Variants in SGCZ observed in about 807,000 individuals in gnomAD.
SGCZ encodes the protein sarcoglycan zeta, also known as zeta-sarcoglycan.
Under a neutral mutation model 41.3 loss-of-function variants are expected in SGCZ, and 40 were observed. That is an observed-to-expected ratio of 0.97 (90% CI 0.75 to 1.26). The LOEUF (loss-of-function observed/expected upper bound fraction) is 1.26, where lower values mean the gene tolerates loss of function less well. Among genes scored for constraint, SGCZ ranks in the 50% most tolerant of loss-of-function variants. SGCZ has a pLI of 0.00. For synonymous variants in SGCZ, 206 were observed against 137.5 expected, an observed-to-expected ratio of 1.50 and a Z score of -3.49; for missense variants, 552 against 369.8, an observed-to-expected ratio of 1.49 and a Z score of -4.04.
intron 1 of SGCZ, among the ~76,000 whole-genome samples, chr8:15,198,682 A>T (rs907175561): frequency 1.3e-5 from 2 of 152,242 alleles, no homozygotes; most frequent in Admixed American, 1.3e-4. Flanking sequence ...CAACAGCTAC[A>T]TTAATGGCTG....
intron 1 of SGCZ, among the ~76,000 whole-genome samples, chr8:14,767,196 A>G (rs924424696): frequency 1.3e-5 from 2 of 152,154 alleles, no homozygotes; most frequent in South Asian, 2.1e-4. Context: ...CACAAGGTCT[A>G]TCTCCTAGGC....
At chr8:14,626,719 C>T (rs1806467922) in intron 1 of SGCZ, among the ~76,000 whole-genome samples, 1 of 152,108 alleles carries the variant, frequency 6.6e-6, no homozygotes, top group African/African-American at 2.4e-5. Flanking sequence ...AGAAAAATTG[C>T]TAGCAAATTC....
intron 4 of SGCZ, among the ~76,000 whole-genome samples, chr8:14,205,961 A>G (rs1017916322): frequency 3.9e-5 from 6 of 152,170 alleles, no homozygotes; most frequent in African/African-American, 1.2e-4. Context: ...ATATAGGCTA[A>G]GAAAGTTGAC....
intron 1 of SGCZ, among the ~76,000 whole-genome samples, chr8:15,159,551 G>A (rs1356890972): frequency 2.0e-5 from 3 of 152,138 alleles, no homozygotes; most frequent in African/African-American, 7.2e-5. Flanking sequence ...AGTTGAATTG[G>A]AGGATATGCA....
intron 5 of SGCZ, among the ~76,000 whole-genome samples, chr8:14,125,555 C>T (rs903384707): frequency 1.3e-5 from 2 of 150,786 alleles, no homozygotes; most frequent in Non-Finnish European, 3.0e-5. Flanking sequence ...CCACACTGCC[C>T]AAAGTAATTT....
chr8:14,523,327 G>C (rs947170028), intron 2 of SGCZ, among the ~76,000 whole-genome samples: 8 of 151,660 alleles, frequency 5.3e-5, no homozygotes, highest in Admixed American at 1.3e-4. Context: ...ACTACCTTTA[G>C]CCACTCCTTT....
chr8:14,340,905 C>T (rs1170929609), intron 2 of SGCZ, among the ~76,000 whole-genome samples: 1 of 152,028 alleles, frequency 6.6e-6, no homozygotes, highest in African/African-American at 2.4e-5. Context: ...TTATTAACCC[C>T]AGCTAAGACA....
At chr8:14,374,212 T>C (rs1804021058) in intron 2 of SGCZ, among the ~76,000 whole-genome samples, 1 of 152,030 alleles carries the variant, frequency 6.6e-6, no homozygotes, top group Non-Finnish European at 1.5e-5. Flanking sequence ...ACACTGTCTC[T>C]ACACAAGTAT....
At chr8:15,223,419 C>T (rs1801667555) in intron 1 of SGCZ, among the ~76,000 whole-genome samples, 2 of 152,170 alleles carry the variant, frequency 1.3e-5, no homozygotes, top group Admixed American at 6.5e-5. Context: ...CCTTGTGTGA[C>T]TACCACATGG....
rs187071395 is a variant in SGCZ at position 14,092,848 on chromosome 8, A to G, written c.745-2211T>C. On this transcript the variant is annotated intron_variant, in intron 7 of 7. Transcript: ENST00000382080. ...CGGCAATGTAAAAATGAACCAATAC[A>G]GTAGCTAATCAGCACAGTGAACAAT... Among the ~76,000 whole-genome samples, 12 of 152,188 alleles carry G rather than the reference A, an allele frequency of 7.9e-5. No homozygotes were observed. In the East Asian group the frequency reaches 1.6e-3, roughly 20 times the overall value.
intron 3 of SGCZ, among the ~76,000 whole-genome samples, chr8:14,300,236 G>A (rs1801142485): frequency 1.3e-5 from 2 of 151,038 alleles, no homozygotes; most frequent in South Asian, 4.2e-4. Flanking sequence ...AAATTCTACA[G>A]CTAAATACAG....
chr8:14,432,302 G>A (rs1799965132), intron 2 of SGCZ, among the ~76,000 whole-genome samples: 1 of 152,104 alleles, frequency 6.6e-6, no homozygotes, highest in South Asian at 2.1e-4. Flanking sequence ...TCAACAAATA[G>A]ATAAAGAAAC....
At chr8:14,710,671 G>GA (rs1809487649) in intron 1 of SGCZ, among the ~76,000 whole-genome samples, 1 of 151,674 alleles carries the variant, frequency 6.6e-6, no homozygotes, top group Admixed American at 6.6e-5. Context: ...ATATTTTCAG[G>GA]ACACATAATT....
intron 1 of SGCZ, among the ~76,000 whole-genome samples, chr8:15,227,454 T>A (rs1801815689): frequency 6.6e-6 from 1 of 152,114 alleles, no homozygotes; most frequent in South Asian, 2.1e-4. Flanking sequence ...CCACAATGAA[T>A]CACACGTCTT....
intron 3 of SGCZ, among the ~76,000 whole-genome samples, chr8:14,299,378 G>A (rs1028159864): frequency 4.6e-5 from 7 of 151,780 alleles, no homozygotes; most frequent in African/African-American, 7.3e-5. Context: ...TAGACATAAC[G>A]TAGACTCACT....
chr8:14,132,885 T>G lies in SGCZ; in HGVS notation c.548-24650A>C, dbSNP rs941514759. ...AAATTGTAGGAATTTATTTGCTTAG[T>G]GACTTTTGTTAACTTTTTTCTAAAG... On this transcript the variant is annotated intron_variant, in intron 5 of 7. Transcript: ENST00000382080. Among the ~76,000 whole-genome samples the G allele has an allele frequency of 2.6e-5, 4 of 152,198 alleles. No homozygotes were observed. The South Asian group carries it at 8.3e-4, about 31-fold the overall frequency.
intron 2 of SGCZ, among the ~76,000 whole-genome samples, chr8:14,537,348 T>A (rs1803327572): frequency 6.6e-6 from 1 of 151,880 alleles, no homozygotes; most frequent in Non-Finnish European, 1.5e-5. Context: ...ACAACCACAT[T>A]TCCACTCAGT....
chr8:15,100,907 T>C (rs1806586075), intron 1 of SGCZ, among the ~76,000 whole-genome samples: 2 of 152,012 alleles, frequency 1.3e-5, no homozygotes, highest in Admixed American at 6.6e-5. Flanking sequence ...GCCCAGGAGA[T>C]TGAGGCTGCA....
chr8:14,157,353 TGTGTGTGTGTGA>T (rs1370907313), intron 5 of SGCZ, among the ~76,000 whole-genome samples: 247 of 132,240 alleles, frequency 1.9e-3, no homozygotes, highest in African/African-American at 6.4e-3. Context: ...TGTGTGTGTG[TGTGTGTGTGTGA>T]GTGTGTGTGT....
Sources: gnomAD v4.1 joint callset for allele counts (sites outside exome capture counted in the v4.1 genomes callset) on GRCh38, gnomAD v4.1.1 for gene constraint, MANE v1.5 for transcripts, NCBI Gene and HGNC (gene_info 2026-07-23, HGNC 2026-07-21) for gene names.